The following EIF4B variants were observed in gnomAD, a reference collection of about 807,000 sequenced individuals.
The protein encoded by EIF4B is eukaryotic translation initiation factor 4B.
In EIF4B, 8 loss-of-function variants were observed where a neutral mutation model predicts 79.3. That is an observed-to-expected ratio of 0.10 (90% CI 0.06 to 0.18). The LOEUF is 0.18. Among genes scored for constraint, EIF4B ranks in the 10% least tolerant of loss-of-function variants. The pLI, the probability that EIF4B is intolerant of heterozygous loss-of-function variation, is 1.00. For missense variants in EIF4B, 515 were observed against 792.4 expected (o/e 0.65, Z 4.20); for synonymous variants, 238 against 274.7 (o/e 0.87, Z 1.32).
intron 1 of EIF4B, among the ~76,000 whole-genome samples, chr12:53,009,041 A>C (rs1367440804): frequency 6.6e-6 from 1 of 152,214 alleles, no homozygotes; most frequent in African/African-American, 2.4e-5. Context: ...TTTCAAAAAA[A>C]AATCTTAAAA....
chr12:53,006,800 G>C (rs908546344), intron 1 of EIF4B, among the ~76,000 whole-genome samples: 10 of 151,962 alleles, frequency 6.6e-5, no homozygotes, highest in African/African-American at 1.7e-4. Context: ...CGGGTGGTGC[G>C]AGGCCTTTTC....
At chr12:53,032,823 C>T (rs1050453082) in intron 8 of EIF4B, among the ~76,000 whole-genome samples, 5 of 151,860 alleles carry the variant, frequency 3.3e-5, no homozygotes, top group Admixed American at 3.3e-4. Context: ...AGGCATGTGC[C>T]ACCACTCCTG....
intron 9 of EIF4B, 148 bp downstream of exon 9, chr12:53,034,182 T>G: frequency 1.3e-6 from 1 of 757,776 alleles, no homozygotes; most frequent in Non-Finnish European, 2.1e-6. Context: ...CCAGGGGTGT[T>G]AGGCAGTATG....
chr12:53,029,494 G>C (rs1218222603), intron 8 of EIF4B, among the ~76,000 whole-genome samples: 2 of 151,298 alleles, frequency 1.3e-5, no homozygotes, highest in Non-Finnish European at 1.5e-5. Flanking sequence ...TCTTGCCTCA[G>C]CCTCCCGAGT....
chr12:53,020,378 G>C (rs1161547885), intron 4 of EIF4B, among the ~76,000 whole-genome samples: 5 of 152,166 alleles, frequency 3.3e-5, no homozygotes, highest in Admixed American at 3.3e-4. Flanking sequence ...AAGGCAAATA[G>C]AAAAATCAAG....
At chr12:53,033,265 C>T (rs373582626) in intron 8 of EIF4B, among the ~76,000 whole-genome samples, 1 of 151,884 alleles carries the variant, frequency 6.6e-6, no homozygotes, top group Non-Finnish European at 1.5e-5. Context: ...GTGATCCACC[C>T]GCCTCGGCCT....
At position 53,041,027 on chromosome 12, in the gene EIF4B, C is replaced by G. The variant is rs187124722; in HGVS notation, c.*804C>G. ...GGGTCGTGGTAATTCCCAGTGTTTT[C>G]TGTGTCCTAGTTTTACCCTTTCTAA... On this transcript the variant is annotated 3_prime_UTR_variant, in exon 15 of 15. Coordinates refer to ENST00000262056, the MANE Select transcript of EIF4B (RefSeq NM_001417.7). 2 of 152,160 alleles carry G rather than the reference C, an allele frequency of 1.3e-5. No homozygotes were observed. The highest frequency in any genetic ancestry group is 2.9e-5 in the Non-Finnish European group (2 of 68,032). The allele number at this position is 152,160 out of a possible 1,614,324, so 9.4% of individuals were successfully genotyped here. A position where few individuals can be genotyped will look rare whatever the true frequency, so the allele number is the denominator to read the frequency against.
In EIF4B at chr12:53,039,427, G is replaced by A. The variant is rs1242215768; in HGVS notation, c.1682+84G>A. The A allele has an allele frequency of 3.9e-6, 5 of 1,276,218 alleles. No individual in the cohort carries two copies. The Admixed American group carries it at 7.3e-5, about 19-fold the overall frequency. 79.1% of individuals were successfully genotyped at this position (1,276,218 alleles called of 1,614,324 possible). A position where few individuals can be genotyped will look rare whatever the true frequency, so the allele number is the denominator to read the frequency against. On this transcript the variant is annotated intron_variant, in intron 13 of 14. Coordinates refer to ENST00000262056, the MANE Select transcript of EIF4B (RefSeq NM_001417.7). ...TTAAGTTCTTGGTTCTCAGAGCACT[G>A]CCAGATCGCTCATTGTGAGCAAACT...
chr12:53,014,412 CAAAAAAA>C (rs367885369), intron 1 of EIF4B, among the ~76,000 whole-genome samples: 1 of 64,166 alleles, frequency 1.6e-5, no homozygotes, highest in African/African-American at 5.7e-5. Flanking sequence ...GACTCCGTCT[CAAAAAAA>C]AAAAAAAAAG....
intron 6 of EIF4B, among the ~76,000 whole-genome samples, chr12:53,024,496 CAT>C (rs1300854165): frequency 3.3e-5 from 5 of 152,104 alleles, no homozygotes; most frequent in Non-Finnish European, 7.4e-5. Flanking sequence ...TAGTCTGTAA[CAT>C]ATTTCTTTTA....
intron 10 of EIF4B, among the ~76,000 whole-genome samples, chr12:53,035,118 T>C (rs1943517729): frequency 6.6e-6 from 1 of 152,176 alleles, no homozygotes. Flanking sequence ...TCAAGCAGTG[T>C]TATTACTGGT....
intron 1 of EIF4B, among the ~76,000 whole-genome samples, chr12:53,015,147 A>G (rs1042588337): frequency 6.6e-6 from 1 of 152,258 alleles, no homozygotes; most frequent in African/African-American, 2.4e-5. Flanking sequence ...GATCTAGGGA[A>G]TATGACTGTT....
At chr12:53,016,786 T>C (rs893542581) in intron 2 of EIF4B, among the ~76,000 whole-genome samples, 176 bp downstream of exon 2, 1 of 152,248 alleles carries the variant, frequency 6.6e-6, no homozygotes, top group Non-Finnish European at 1.5e-5. Flanking sequence ...TGTCAGACTT[T>C]GCAGTGAAGA....
chr12:53,037,268 T>C lies in EIF4B; in HGVS notation c.1307-141T>C, dbSNP rs1044245045. The stretch of plus-strand genomic sequence containing the variant: ...CAGTAAGACATTGTTCTGGAAATAC[T>C]TGTAAACCACTGGTTTAGGGATAAA... On this transcript the variant is annotated intron_variant, in intron 10 of 14. Coordinates refer to ENST00000262056, the MANE Select transcript of EIF4B (RefSeq NM_001417.7). 5.7e-6 allele frequency: 5 copies of C among 875,518 alleles called. No homozygotes were observed. In the South Asian group the frequency reaches 7.1e-5, roughly 12 times the overall value. The allele number at this position is 875,518 out of a possible 1,614,324, so 54.2% of individuals were successfully genotyped here.
chr12:53,016,868 T>A (rs1291327466), intron 2 of EIF4B, among the ~76,000 whole-genome samples: 1 of 152,226 alleles, frequency 6.6e-6, no homozygotes, highest in Non-Finnish European at 1.5e-5. Flanking sequence ...GTTACTATTC[T>A]TTTGGGCCTC....
At chr12:53,019,563 A>C (rs1275585416) in intron 3 of EIF4B, among the ~76,000 whole-genome samples, 1 of 140,710 alleles carries the variant, frequency 7.1e-6, no homozygotes, top group Non-Finnish European at 1.5e-5. Flanking sequence ...ATAGGGTTGC[A>C]CTATGTTGGT....
At chr12:53,024,579 T>C (rs1445233035) in intron 6 of EIF4B, among the ~76,000 whole-genome samples, 1 of 152,252 alleles carries the variant, frequency 6.6e-6, no homozygotes. Flanking sequence ...TTTGTTATAA[T>C]GGTGTCTTTA....
intron 1 of EIF4B, among the ~76,000 whole-genome samples, chr12:53,007,704 C>G (rs1028604868): frequency 2.0e-5 from 3 of 152,126 alleles, no homozygotes; most frequent in South Asian, 2.1e-4. Context: ...TCTGGGTGCT[C>G]ATTTCTTACC....
intron 4 of EIF4B, among the ~76,000 whole-genome samples, chr12:53,020,882 A>G (rs1943236730): frequency 6.6e-6 from 1 of 152,212 alleles, no homozygotes; most frequent in African/African-American, 2.4e-5. Flanking sequence ...TATTAACATT[A>G]CTGGTCTCTA....
Sources: gnomAD v4.1 joint callset for allele counts (sites outside exome capture counted in the v4.1 genomes callset) on GRCh38, gnomAD v4.1.1 for gene constraint, MANE v1.5 for transcripts, NCBI Gene and HGNC (gene_info 2026-07-23, HGNC 2026-07-21) for gene names.